Variants in RB1CC1 observed in about 807,000 individuals in gnomAD.
RB1CC1 encodes the protein RB1-inducible coiled-coil protein 1.
Under a neutral mutation model 177.5 loss-of-function variants are expected in RB1CC1, and 46 were observed. The observed-to-expected ratio is 0.26, with a 90% CI of 0.20 to 0.33. RB1CC1 has a LOEUF of 0.33. Ranked by LOEUF, RB1CC1 falls within the 10% of genes least tolerant of loss-of-function variation. The probability of loss-of-function intolerance (pLI) is 1.00; values close to 1 mark genes in which losing one functional copy is unlikely to be tolerated. For missense variants in RB1CC1, 1,703 were observed against 1,816.3 expected (o/e 0.94, Z 1.13); for synonymous variants, 666 against 613.6 (o/e 1.09, Z -1.26).
chr8:52,670,192 C>T (rs1852437155), intron 7 of RB1CC1, among the ~76,000 whole-genome samples: 1 of 152,194 alleles, frequency 6.6e-6, no homozygotes, highest in African/African-American at 2.4e-5. Context: ...CTTGGCCTCC[C>T]AAAGTGCTAG....
At chr8:52,658,167 G>T (rs760269808) in intron 13 of RB1CC1, 43 bp from the exon 14 acceptor site, 4 of 1,573,020 alleles carry the variant, frequency 2.5e-6, no homozygotes, top group African/African-American at 2.7e-5. Context: ...ATTTTTTAAT[G>T]AACTAGTAGA....
chr8:52,625,958 T>C (rs551305681), intron 22 of RB1CC1, among the ~76,000 whole-genome samples: 16 of 152,208 alleles, frequency 1.1e-4, no homozygotes, highest in African/African-American at 3.9e-4. Flanking sequence ...ATATCCCAAA[T>C]AAATAATCAG....
chr8:52,675,255 C>G lies in RB1CC1; in HGVS notation c.573-981G>C, dbSNP rs183213528. ...AAAAACTAATATTCATACCACAAAACAGAGAAATCTGAATTTAAAAGGTTA... is the reference window on the plus strand; with the variant it reads ...AAAAACTAATATTCATACCACAAAAGAGAGAAATCTGAATTTAAAAGGTTA... On this transcript the variant is annotated intron_variant, in intron 6 of 23. Transcript: ENST00000025008. Among the ~76,000 whole-genome samples, 46 of 152,010 alleles carry G rather than the reference C, an allele frequency of 3.0e-4. No homozygotes were observed. In the East Asian group the frequency reaches 8.5e-3, roughly 28 times the overall value.
rs1851641728 is a variant in RB1CC1 at position 52,661,695 on chromosome 8, C to T, written c.1198G>A (p.Ala400Thr). The T allele has an allele frequency of 6.3e-7, 1 of 1,590,376 alleles. No individual in the cohort carries two copies. Among genetic ancestry groups the T allele is most frequent in the Non-Finnish European group, 8.5e-7 (1 of 1,171,700 alleles). The change falls in exon 9 of 24, where the codon GCT (alanine) becomes ACT (threonine). Residue 400 changes from alanine (A) to threonine (T), a missense_variant. By Grantham distance (58) the Ala-to-Thr change is moderately conservative. Coordinates refer to ENST00000025008, the MANE Select transcript of RB1CC1 (RefSeq NM_014781.5). ...ACAGATGCATCCTTTAAGTTTTCAG[C>T]TCTCTTCTGATTAGCTAAAAATCCC... ...AQGFLANQKR[A>T]ENLKDASVLP...
intron 1 of RB1CC1, among the ~76,000 whole-genome samples, chr8:52,709,101 G>A (rs1408776329): frequency 1.3e-5 from 2 of 152,118 alleles, no homozygotes; most frequent in African/African-American, 4.8e-5. Flanking sequence ...CAGCTACTCA[G>A]GAGGCTGAGG....
At chr8:52,663,066 C>G (rs1048574605) in intron 8 of RB1CC1, among the ~76,000 whole-genome samples, 1 of 152,008 alleles carries the variant, frequency 6.6e-6, no homozygotes, top group East Asian at 1.9e-4. Flanking sequence ...ATTTGCTCAA[C>G]CATACTCAAT....
chr8:52,689,327 T>G (rs59283387), intron 1 of RB1CC1, among the ~76,000 whole-genome samples: 3,600 of 152,196 alleles, frequency 0.024, 164 homozygotes, highest in African/African-American at 0.082. Flanking sequence ...ATTCTAACAT[T>G]TAAATACTTA....
At chr8:52,661,777 ATTCAG>A (rs1402889218) in intron 8 of RB1CC1, 58 bp from the exon 9 acceptor site, 26 of 1,306,114 alleles carry the variant, frequency 2.0e-5, no homozygotes, top group Non-Finnish European at 2.3e-5. Context: ...AGGTATGGAC[ATTCAG>A]TTAAGTGGAA....
intron 5 of RB1CC1, 51 bp downstream of exon 5, chr8:52,683,498 G>T: frequency 6.9e-7 from 1 of 1,454,118 alleles, no homozygotes; most frequent in Middle Eastern, 1.9e-4. Context: ...GTGCTATTTA[G>T]ATCCGAATGC....
intron 1 of RB1CC1, among the ~76,000 whole-genome samples, chr8:52,704,470 A>AG (rs1353559647): frequency 8.2e-6 from 1 of 121,270 alleles, no homozygotes; most frequent in Admixed American, 8.7e-5. Context: ...AAAAAAAAAA[A>AG]AAAACACAAA....
intron 7 of RB1CC1, among the ~76,000 whole-genome samples, chr8:52,672,529 G>A (rs1591042084): frequency 2.6e-5 from 4 of 152,250 alleles, no homozygotes; most frequent in African/African-American, 9.6e-5. Context: ...AACTGCTTGA[G>A]CCCGGCAATC....
chr8:52,636,362 T>C (rs545902594), intron 18 of RB1CC1, among the ~76,000 whole-genome samples: 5 of 152,318 alleles, frequency 3.3e-5, no homozygotes, highest in East Asian at 1.9e-4. Context: ...TTCTTAATAT[T>C]TGTGAGTGAA....
chr8:52,646,845 T>C (rs551951203), intron 15 of RB1CC1, among the ~76,000 whole-genome samples: 1 of 152,256 alleles, frequency 6.6e-6, no homozygotes, highest in East Asian at 1.9e-4. Context: ...TACTTTCAAC[T>C]TAATCCTTAG....
At chr8:52,671,232 C>T (rs1311470122) in intron 7 of RB1CC1, among the ~76,000 whole-genome samples, 1 of 152,074 alleles carries the variant, frequency 6.6e-6, no homozygotes, top group Non-Finnish European at 1.5e-5. Flanking sequence ...ACCTATGTCT[C>T]GACTAATTTC....
intron 18 of RB1CC1, among the ~76,000 whole-genome samples, chr8:52,639,835 A>T (rs551696158): frequency 6.6e-6 from 1 of 152,312 alleles, no homozygotes; most frequent in East Asian, 1.9e-4. Flanking sequence ...ATATCATCAT[A>T]AAACCACAAG....
At chr8:52,696,461 C>T (rs533534662) in intron 1 of RB1CC1, among the ~76,000 whole-genome samples, 1 of 152,174 alleles carries the variant, frequency 6.6e-6, no homozygotes, top group East Asian at 1.9e-4. Flanking sequence ...AGACAGCTAA[C>T]AAAGACTAAA....
At chr8:52,646,106 A>G (rs983461419) in intron 15 of RB1CC1, among the ~76,000 whole-genome samples, 3 of 152,210 alleles carry the variant, frequency 2.0e-5, no homozygotes, top group African/African-American at 7.2e-5. Context: ...TAAATTCCAG[A>G]TAATTTGCTT....
intron 15 of RB1CC1, among the ~76,000 whole-genome samples, chr8:52,646,581 G>A (rs1167616234): frequency 2.6e-5 from 4 of 152,070 alleles, no homozygotes; most frequent in Non-Finnish European, 5.9e-5. Flanking sequence ...AATAGTCTTT[G>A]GTTCATTTCT....
intron 18 of RB1CC1, 37 bp downstream of exon 18, chr8:52,642,314 A>G (rs774971860): frequency 2.5e-6 from 4 of 1,583,826 alleles, no homozygotes; most frequent in Non-Finnish European, 2.6e-6. Flanking sequence ...ATGGAATTGC[A>G]ACAGCCTTAA....
Sources: gnomAD v4.1 joint callset for allele counts (sites outside exome capture counted in the v4.1 genomes callset) on GRCh38, gnomAD v4.1.1 for gene constraint, MANE v1.5 for transcripts, NCBI Gene and HGNC (gene_info 2026-07-23, HGNC 2026-07-21) for gene names.